Variants in C12orf42 observed in about 807,000 individuals in gnomAD.
C12orf42 encodes chromosome 12 open reading frame 42, also known as uncharacterized protein C12orf42.
C12orf42 carries 25 observed loss-of-function variants against 21.6 expected under a neutral mutation model. That is an observed-to-expected ratio of 1.16 (90% CI 0.84 to 1.62). The LOEUF (loss-of-function observed/expected upper bound fraction) is 1.62. C12orf42 is among the 40% of genes most tolerant of loss of function. C12orf42 has a pLI of 0.00. For missense variants in C12orf42, 483 were observed against 459.3 expected, an observed-to-expected ratio of 1.05 and a Z score of -0.47; for synonymous variants, 174 against 175.0, an observed-to-expected ratio of 0.99 and a Z score of 0.05.
chr12:103,334,401 G>C (rs535650868), intron 4 of C12orf42, among the ~76,000 whole-genome samples: 3 of 152,098 alleles, frequency 2.0e-5, no homozygotes, highest in Non-Finnish European at 4.4e-5. Context: ...CTGACAATGA[G>C]TAAGTGTCAT....
At chr12:103,531,725 C>G in the C12orf42 span, among the ~76,000 whole-genome samples, 4 of 152,136 alleles carry the variant, frequency 2.6e-5, no homozygotes, top group Non-Finnish European at 4.4e-5. Context: ...TATCAAAGCC[C>G]ATCAGTGATT....
intron 4 of C12orf42, among the ~76,000 whole-genome samples, chr12:103,319,960 C>A (rs1173714891): frequency 3.3e-5 from 5 of 152,160 alleles, no homozygotes; most frequent in African/African-American, 1.2e-4. Context: ...TAATGACAGC[C>A]ATTGTTCAAG....
the C12orf42 span, among the ~76,000 whole-genome samples, chr12:103,107,370 A>T: frequency 6.6e-6 from 1 of 152,006 alleles, no homozygotes; most frequent in Non-Finnish European, 1.5e-5. Flanking sequence ...CCAAACAAAA[A>T]GTCACAATGC....
chr12:103,377,020 T>C (rs2045761334), intron 3 of C12orf42, among the ~76,000 whole-genome samples: 1 of 152,104 alleles, frequency 6.6e-6, no homozygotes, highest in African/African-American at 2.4e-5. Flanking sequence ...TTTTTAAAAA[T>C]CTTGGTTTTC....
chr12:103,217,121 G>A, the C12orf42 span, among the ~76,000 whole-genome samples: 2 of 152,094 alleles, frequency 1.3e-5, no homozygotes, highest in South Asian at 4.2e-4. Context: ...GGGATTACAA[G>A]CGTGAGCTAC....
At chr12:103,430,162 A>G (rs2139312937) in intron 2 of C12orf42, among the ~76,000 whole-genome samples, 1 of 152,378 alleles carries the variant, frequency 6.6e-6, no homozygotes, top group East Asian at 1.9e-4. Context: ...AACTATCATC[A>G]GAGTGAACAG....
the C12orf42 span, among the ~76,000 whole-genome samples, chr12:103,191,430 G>T: frequency 9.9e-5 from 15 of 151,200 alleles, no homozygotes; most frequent in African/African-American, 3.6e-4. Context: ...AAGACAGGCT[G>T]GGTGCAGTGG....
intron 10 of C12orf42, among the ~76,000 whole-genome samples, chr12:103,253,392 T>C (rs746110209): frequency 8.5e-5 from 13 of 152,240 alleles, no homozygotes; most frequent in Non-Finnish European, 1.3e-4. Context: ...AACATTACTT[T>C]GGACAGTATG....
At chr12:103,276,533 C>A (rs2035782301) in intron 5 of C12orf42, among the ~76,000 whole-genome samples, 2 of 152,192 alleles carry the variant, frequency 1.3e-5, no homozygotes, top group African/African-American at 4.8e-5. Context: ...CCCTGTGGTT[C>A]TGCCATTGTG....
intron 2 of C12orf42, among the ~76,000 whole-genome samples, chr12:103,465,542 C>T (rs1226187263): frequency 6.6e-5 from 10 of 152,090 alleles, no homozygotes. Flanking sequence ...ATGTCATCTG[C>T]AAACAGAGAC....
chr12:103,313,680 T>C (rs563250302), intron 4 of C12orf42, among the ~76,000 whole-genome samples: 1 of 152,290 alleles, frequency 6.6e-6, no homozygotes, highest in African/African-American at 2.4e-5. Context: ...ACTTAACAAA[T>C]CTTAGCTGTT....
chr12:103,266,536 A>G (rs2035180969), downstream of C12orf42, among the ~76,000 whole-genome samples: 1 of 152,152 alleles, frequency 6.6e-6, no homozygotes, highest in Non-Finnish European at 1.5e-5. Flanking sequence ...AGAAATAGAA[A>G]AAAGCAAAGA....
At chr12:103,539,629 G>C in the C12orf42 span, among the ~76,000 whole-genome samples, 4 of 151,556 alleles carry the variant, frequency 2.6e-5, no homozygotes, top group African/African-American at 9.7e-5. Flanking sequence ...ACCAGGGCTG[G>C]AGTGCAGTGG....
the C12orf42 span, among the ~76,000 whole-genome samples, chr12:103,509,663 T>G: frequency 6.6e-6 from 1 of 152,166 alleles, no homozygotes; most frequent in Non-Finnish European, 1.5e-5. Flanking sequence ...TAACTAGCTT[T>G]CAGAGGTCAC....
At chr12:103,254,287 C>T (rs2034448281) in intron 10 of C12orf42, among the ~76,000 whole-genome samples, 1 of 152,110 alleles carries the variant, frequency 6.6e-6, no homozygotes. Context: ...AGGTAACAAA[C>T]CTGCACATTC....
the C12orf42 span, among the ~76,000 whole-genome samples, chr12:103,194,689 A>AC: frequency 6.6e-6 from 1 of 152,202 alleles, no homozygotes; most frequent in Non-Finnish European, 1.5e-5. Context: ...AAAAAGGAAG[A>AC]CATCCCATGT....
intron 4 of C12orf42, among the ~76,000 whole-genome samples, chr12:103,316,924 C>T (rs542282874): frequency 6.6e-6 from 1 of 152,312 alleles, no homozygotes; most frequent in Non-Finnish European, 1.5e-5. Flanking sequence ...TCTTCTTCTG[C>T]AGAGTTCCCT....
At chr12:103,241,369 C>CA (rs1037457870) in intron 10 of C12orf42, among the ~76,000 whole-genome samples, 5 of 152,056 alleles carry the variant, frequency 3.3e-5, no homozygotes, top group Non-Finnish European at 7.4e-5. Flanking sequence ...AGAAAGCAAA[C>CA]ATATTGAAAG....
intron 4 of C12orf42, among the ~76,000 whole-genome samples, chr12:103,352,722 A>G (rs1437997303): frequency 6.6e-6 from 1 of 152,184 alleles, no homozygotes; most frequent in Non-Finnish European, 1.5e-5. Context: ...TTACAGTCAC[A>G]GGCTATGAAG....
Sources: allele counts gnomAD v4.1 joint callset (sites outside exome capture counted in the v4.1 genomes callset), GRCh38; gene constraint gnomAD v4.1.1; transcripts MANE v1.5; gene names NCBI Gene and HGNC (gene_info 2026-07-23, HGNC 2026-07-21).